Variants in MTM1 observed in about 807,000 individuals in gnomAD.
The protein encoded by MTM1 is myotubularin.
Under a neutral mutation model 52.1 loss-of-function variants are expected in MTM1, and 9 were observed. The ratio of observed to expected loss-of-function variants is 0.17; its 90% CI spans 0.10 to 0.30. The LOEUF (loss-of-function observed/expected upper bound fraction) is 0.30, where lower values mean the gene tolerates loss of function less well. Among genes scored for constraint, MTM1 ranks in the 10% least tolerant of loss-of-function variants. The pLI is 1.00. For synonymous variants in MTM1, 136 were observed against 163.8 expected, an observed-to-expected ratio of 0.83 and a Z score of 1.29; for missense variants, 277 against 470.7, an observed-to-expected ratio of 0.59 and a Z score of 3.81.
chrX:150,567,020 TACA>T (rs1408179014), upstream of MTM1, among the ~76,000 whole-genome samples: 66 of 111,123 alleles, frequency 5.9e-4, no homozygotes, highest in African/African-American at 1.9e-3. Flanking sequence ...ATGACATCAG[TACA>T]ACAAGAAGGG....
At chrX:150,574,318 G>A (rs2038431811) in intron 1 of MTM1, among the ~76,000 whole-genome samples, 1 of 111,286 alleles carries the variant, frequency 9.0e-6, no homozygotes. Flanking sequence ...CCCGGGAGCT[G>A]GTGAAACAGG....
intron 6 of MTM1, among the ~76,000 whole-genome samples, chrX:150,633,927 C>A (rs782136496): frequency 8.9e-6 from 1 of 112,221 alleles, no homozygotes; most frequent in Non-Finnish European, 1.9e-5. Context: ...CCCAGCTACT[C>A]TGGAGGCTGA....
chrX:150,622,254 A>G (rs2039495784), intron 6 of MTM1, among the ~76,000 whole-genome samples: 1 of 110,507 alleles, frequency 9.0e-6, no homozygotes, highest in Non-Finnish European at 1.9e-5. Context: ...AGGTGACATT[A>G]TCTTAGGTTT....
At chrX:150,648,744 T>C (rs782216971) in intron 9 of MTM1, among the ~76,000 whole-genome samples, 1 of 113,045 alleles carries the variant, frequency 8.8e-6, no homozygotes, top group East Asian at 2.8e-4. Flanking sequence ...TTAATACTTG[T>C]AGTTGCTGCA....
intron 8 of MTM1, among the ~76,000 whole-genome samples, chrX:150,644,436 A>C (rs1451877670): frequency 2.7e-5 from 3 of 111,983 alleles, no homozygotes; most frequent in Non-Finnish European, 5.6e-5. Flanking sequence ...TGCAAGGACC[A>C]TATTTGTTCT....
intron 14 of MTM1, among the ~76,000 whole-genome samples, chrX:150,666,370 G>A (rs1262082953): frequency 1.8e-5 from 2 of 112,250 alleles, no homozygotes; most frequent in Non-Finnish European, 3.8e-5. Flanking sequence ...ATTTCTAACA[G>A]TTTTTCTGTT....
intron 3 of MTM1, 129 bp from the exon 4 acceptor site, chrX:150,598,463 T>C: frequency 2.1e-6 from 1 of 469,187 alleles, no homozygotes; most frequent in Admixed American, 3.7e-5. Flanking sequence ...GTGCTTGCTT[T>C]CAGCCTTTTC....
chrX:150,565,597 C>A (rs782655318), upstream of MTM1, among the ~76,000 whole-genome samples: 1 of 110,809 alleles, frequency 9.0e-6, no homozygotes, highest in African/African-American at 3.3e-5. Context: ...GCCATTTCCT[C>A]GCTCGGGCCT....
intron 4 of MTM1, among the ~76,000 whole-genome samples, chrX:150,600,418 G>A (rs2039049356): frequency 8.9e-6 from 1 of 112,234 alleles, no homozygotes; most frequent in African/African-American, 3.2e-5. Flanking sequence ...TGATTAAAAA[G>A]TTAATATTCC....
intron 1 of MTM1, among the ~76,000 whole-genome samples, chrX:150,569,884 G>C (rs2038336424): frequency 8.9e-6 from 1 of 111,984 alleles, no homozygotes; most frequent in African/African-American, 3.3e-5. Context: ...GTATTCACCA[G>C]ATTTGATTCT....
At chrX:150,589,767 TA>T (rs1478160913) in intron 1 of MTM1, among the ~76,000 whole-genome samples, 1 of 107,980 alleles carries the variant, frequency 9.3e-6, no homozygotes, top group Non-Finnish European at 1.9e-5. Flanking sequence ...TTTTTTTTTT[TA>T]AGCAAAAAGC....
intron 14 of MTM1, 76 bp from the exon 15 acceptor site, chrX:150,671,352 A>C: frequency 7.2e-6 from 8 of 1,117,371 alleles, no homozygotes; most frequent in Non-Finnish European, 9.9e-6. Context: ...CAGCAGTCAC[A>C]GCAGATGGGT....
At chrX:150,604,600 C>CT (rs1337355552) in intron 4 of MTM1, among the ~76,000 whole-genome samples, 1 of 110,849 alleles carries the variant, frequency 9.0e-6, no homozygotes, top group African/African-American at 3.3e-5. Context: ...TCTCCTCTGT[C>CT]TACCCATCCC....
At chrX:150,669,093 A>G (rs781928899) in intron 14 of MTM1, among the ~76,000 whole-genome samples, 15 of 110,267 alleles carry the variant, frequency 1.4e-4, no homozygotes, top group African/African-American at 4.3e-4. Flanking sequence ...TGTGTTCTCA[A>G]TGTTCACCTC....
At chrX:150,602,386 G>A (rs1303286097) in intron 4 of MTM1, among the ~76,000 whole-genome samples, 2 of 112,207 alleles carry the variant, frequency 1.8e-5, no homozygotes, top group Non-Finnish European at 3.8e-5. Context: ...TATGTCTGTG[G>A]TCTTATCAAA....
intron 6 of MTM1, among the ~76,000 whole-genome samples, chrX:150,627,471 T>C (rs944593182): frequency 2.9e-4 from 32 of 112,019 alleles, no homozygotes; most frequent in African/African-American, 9.4e-4. Context: ...AAAATTTCCA[T>C]TGTTATGTTT....
At chrX:150,642,757 G>A (rs2039870022) in intron 8 of MTM1, among the ~76,000 whole-genome samples, 1 of 111,487 alleles carries the variant, frequency 9.0e-6, no homozygotes, top group African/African-American at 3.3e-5. Flanking sequence ...TATTTATTGA[G>A]CATCTACCGT....
intron 7 of MTM1, among the ~76,000 whole-genome samples, chrX:150,639,841 G>A (rs986860154): frequency 8.9e-6 from 1 of 112,395 alleles, no homozygotes; most frequent in African/African-American, 3.2e-5. Context: ...TGAAAAGGTA[G>A]TGAATATAAA....
intron 14 of MTM1, among the ~76,000 whole-genome samples, chrX:150,666,509 T>C (rs1475593144): frequency 2.7e-5 from 3 of 112,282 alleles, no homozygotes; most frequent in African/African-American, 9.7e-5. Flanking sequence ...CTAATACTCA[T>C]ATTTCAAAGG....
Sources: gnomAD v4.1 joint callset for allele counts (sites outside exome capture counted in the v4.1 genomes callset) on GRCh38, gnomAD v4.1.1 for gene constraint, MANE v1.5 for transcripts, NCBI Gene and HGNC (gene_info 2026-07-23, HGNC 2026-07-21) for gene names.